DLGAP1: variants seen among roughly 807,000 people sequenced by gnomAD.
The protein encoded by DLGAP1 is DLG associated protein 1, also known as disks large-associated protein 1.
A neutral mutation model predicts 90.8 loss-of-function variants in DLGAP1; 11 were observed. That is an observed-to-expected ratio of 0.12 (90% CI 0.08 to 0.20). The LOEUF (loss-of-function observed/expected upper bound fraction) is 0.20. Among genes scored for constraint, DLGAP1 ranks in the 10% least tolerant of loss-of-function variants. DLGAP1 has a pLI of 1.00. For synonymous variants in DLGAP1, 558 were observed against 540.7 expected (o/e 1.03, Z -0.44); for missense variants, 1,050 against 1,333.8 (o/e 0.79, Z 3.31).
At chr18:4,408,980 AACACACACAC>A (rs34298940) in intron 1 of DLGAP1, among the ~76,000 whole-genome samples, 2 of 150,142 alleles carry the variant, frequency 1.3e-5, no homozygotes, top group East Asian at 3.9e-4. Flanking sequence ...CACACACACA[AACACACACAC>A]ACACACACAC....
intron 1 of DLGAP1, among the ~76,000 whole-genome samples, chr18:4,366,624 A>T (rs1006434419): frequency 6.6e-6 from 1 of 151,986 alleles, no homozygotes; most frequent in Admixed American, 6.6e-5. Flanking sequence ...GAGATAATTT[A>T]AAAAAACGCT....
At chr18:3,774,850 T>C (rs1305176309) in intron 5 of DLGAP1, among the ~76,000 whole-genome samples, 3 of 152,030 alleles carry the variant, frequency 2.0e-5, no homozygotes, top group African/African-American at 7.2e-5. Flanking sequence ...TAGAGTGAAG[T>C]TGTTCTCTAA....
chr18:3,893,620 T>TAAGAAG (rs200944287), intron 3 of DLGAP1, among the ~76,000 whole-genome samples: 1 of 143,422 alleles, frequency 7.0e-6, no homozygotes, highest in Non-Finnish European at 1.5e-5. Context: ...ATAATAATAA[T>TAAGAAG]AAGAACAATT....
At chr18:4,124,643 A>G (rs546131935) in intron 2 of DLGAP1, among the ~76,000 whole-genome samples, 20 of 152,362 alleles carry the variant, frequency 1.3e-4, no homozygotes, top group African/African-American at 4.8e-4. Flanking sequence ...CACCATTAAA[A>G]GTGTTAAAAA....
At chr18:3,753,586 G>A (rs142212521) in intron 5 of DLGAP1, among the ~76,000 whole-genome samples, 1 of 152,320 alleles carries the variant, frequency 6.6e-6, no homozygotes, top group East Asian at 1.9e-4. Context: ...CTTTATGCAT[G>A]TTACAGGGAT....
chr18:3,925,496 C>T (rs779847621), intron 3 of DLGAP1, among the ~76,000 whole-genome samples: 2 of 152,048 alleles, frequency 1.3e-5, no homozygotes, highest in Non-Finnish European at 2.9e-5. Flanking sequence ...CCTGTTATCA[C>T]TCTGGTGTGC....
chr18:4,087,732 G>C (rs974209874), intron 2 of DLGAP1, among the ~76,000 whole-genome samples: 2 of 152,040 alleles, frequency 1.3e-5, no homozygotes, highest in African/African-American at 4.8e-5. Flanking sequence ...CATTTACATG[G>C]TGTATTTTTT....
Position 3,888,107 on chromosome 18 carries a change from C to CAA in DLGAP1, c.-72-7969_-72-7968dup, listed in dbSNP as rs1164887393. Among the ~76,000 whole-genome samples, 111 of 49,366 alleles carry CAA rather than the reference C, an allele frequency of 2.2e-3. 3 individuals are homozygous for CAA. The highest frequency in any genetic ancestry group is 2.7e-3 in the East Asian group (4 of 1,460). 32.4% of individuals were successfully genotyped at this position (49,366 alleles called of 152,430 possible). On this transcript the variant is annotated intron_variant, in intron 3 of 12. Transcript: ENST00000315677. ...TGGACAACAGAGTGAGACTCCATCT[C>CAA]AAAAAAAAAAAAAAAAAAAAAAAAA...
intron 1 of DLGAP1, among the ~76,000 whole-genome samples, chr18:4,161,588 G>A (rs1374077965): frequency 6.6e-6 from 1 of 152,082 alleles, no homozygotes; most frequent in African/African-American, 2.4e-5. Context: ...AATTTTCTAT[G>A]CCAAAGTATA....
intron 8 of DLGAP1, among the ~76,000 whole-genome samples, chr18:3,577,330 T>C (rs984864446): frequency 2.0e-5 from 3 of 152,206 alleles, no homozygotes; most frequent in African/African-American, 7.2e-5. Context: ...CTTTTATTGC[T>C]CTCTCAGTCT....
Position 4,301,464 on chromosome 18 carries a change from TTC to T in DLGAP1, c.-266-150179_-266-150178del, listed in dbSNP as rs564458831. On this transcript the variant is annotated intron_variant, in intron 1 of 12. Transcript: ENST00000315677. ...TTCATGTTGTCACAAACAATTAAAT[TTC>T]TTTCTTTTTAAAAGTGCATAGTACT... Among the ~76,000 whole-genome samples, 34 of 152,332 alleles carry T rather than the reference TTC, an allele frequency of 2.2e-4. No individual in the cohort carries two copies. The South Asian group carries it at 4.1e-3, about 19-fold the overall frequency.
chr18:3,848,127 C>CAAAAAAA (rs3862177), intron 4 of DLGAP1, among the ~76,000 whole-genome samples: 393 of 32,082 alleles, frequency 0.012, 57 homozygotes, highest in South Asian at 0.013. Flanking sequence ...GGCCCCGTCT[C>CAAAAAAA]AAAAAAAAAA....
chr18:4,110,964 A>C (rs2075961631), intron 2 of DLGAP1, among the ~76,000 whole-genome samples: 1 of 152,102 alleles, frequency 6.6e-6, no homozygotes, highest in African/African-American at 2.4e-5. Context: ...TCGACTTACA[A>C]ATCCTTTTTC....
intron 1 of DLGAP1, among the ~76,000 whole-genome samples, chr18:4,173,346 A>T (rs1317734882): frequency 3.9e-5 from 6 of 152,190 alleles, no homozygotes; most frequent in Non-Finnish European, 8.8e-5. Context: ...AGCCCATACA[A>T]TTACAATCAG....
chr18:4,385,070 C>T (rs927033791), intron 1 of DLGAP1, among the ~76,000 whole-genome samples: 1 of 151,976 alleles, frequency 6.6e-6, no homozygotes, highest in Non-Finnish European at 1.5e-5. Context: ...CAATACAATA[C>T]AATAAGTAAT....
At chr18:4,301,999 C>G (rs2080137328) in intron 1 of DLGAP1, among the ~76,000 whole-genome samples, 1 of 151,974 alleles carries the variant, frequency 6.6e-6, no homozygotes, top group Admixed American at 6.6e-5. Context: ...TGTTTTCTTG[C>G]TATTGAATTG....
At chr18:4,248,250 A>G (rs1438479120) in intron 1 of DLGAP1, among the ~76,000 whole-genome samples, 4 of 152,214 alleles carry the variant, frequency 2.6e-5, no homozygotes, top group Non-Finnish European at 4.4e-5. Context: ...TTTAAAGCTC[A>G]AAGGAAATAA....
chr18:3,554,661 T>C (rs2053652233), intron 9 of DLGAP1, among the ~76,000 whole-genome samples: 2 of 152,346 alleles, frequency 1.3e-5, no homozygotes, highest in African/African-American at 4.8e-5. Context: ...ACTCCTGTTA[T>C]TGAAGCAGAT....
chr18:4,442,915 C>T (rs1214456476), intron 1 of DLGAP1, among the ~76,000 whole-genome samples: 3 of 152,174 alleles, frequency 2.0e-5, no homozygotes, highest in African/African-American at 7.2e-5. Flanking sequence ...CGGGGCTGAA[C>T]TCAAAGCACC....
Sources: allele counts gnomAD v4.1 joint callset (sites outside exome capture counted in the v4.1 genomes callset), GRCh38; gene constraint gnomAD v4.1.1; transcripts MANE v1.5; gene names NCBI Gene and HGNC (gene_info 2026-07-23, HGNC 2026-07-21).